KLF13: variants seen among roughly 807,000 people sequenced by gnomAD.
KLF13 encodes KLF transcription factor 13, also known as Krueppel-like factor 13.
A neutral mutation model predicts 16.7 loss-of-function variants in KLF13; 8 were observed. The ratio of observed to expected loss-of-function variants is 0.48; its 90% CI spans 0.28 to 0.87. The LOEUF is 0.87. Ranked by LOEUF, KLF13 falls within the 40% of genes least tolerant of loss-of-function variation. The pLI is 0.10. For synonymous variants in KLF13, 245 were observed against 208.4 expected (o/e 1.18, Z -1.51); for missense variants, 447 against 452.2 (o/e 0.99, Z 0.10).
chr15:31,355,615 G>C (rs1030774128), intron 1 of KLF13, among the ~76,000 whole-genome samples: 2 of 152,084 alleles, frequency 1.3e-5, no homozygotes, highest in Non-Finnish European at 2.9e-5. Flanking sequence ...ATTATCTCCT[G>C]ACTTCCCATG....
intron 2 of KLF13, among the ~76,000 whole-genome samples, chr15:31,400,806 G>C (rs1033365036): frequency 6.6e-6 from 1 of 152,128 alleles, no homozygotes; most frequent in African/African-American, 2.4e-5. Context: ...ACCAGAGTCA[G>C]TTGTGCTGGT....
At chr15:31,383,985 A>T (rs2039764899) in intron 1 of KLF13, among the ~76,000 whole-genome samples, 1 of 152,272 alleles carries the variant, frequency 6.6e-6, no homozygotes, top group South Asian at 2.1e-4. Flanking sequence ...ATAGGAGATT[A>T]ATTCAATGAA....
rs201175525 is a variant in KLF13, at chr15:31,383,744, C to CA, written n.224-51618dup. Among the ~76,000 whole-genome samples, 460 of 151,440 alleles carry CA rather than the reference C, an allele frequency of 3.0e-3. 6 individuals are homozygous for CA. Among genetic ancestry groups the CA allele is most frequent in the East Asian group, 0.03 (152 of 5,120 alleles). Reference sequence around the variant, plus strand: ...TGAAACCCCGTTTCTACTAAAAATGCAAAAAAAATTAGCTGGGCGTGGTGG... The same window carrying CA: ...TGAAACCCCGTTTCTACTAAAAATGCAAAAAAAAATTAGCTGGGCGTGGTGG... On this transcript the variant is annotated intron_variant and non_coding_transcript_variant, in intron 1 of 1. Coordinates refer to the KLF13 transcript ENST00000558921.
chr15:31,421,773 A>T (rs1161551663), intron 1 of KLF13, among the ~76,000 whole-genome samples: 1 of 152,156 alleles, frequency 6.6e-6, no homozygotes, highest in African/African-American at 2.4e-5. Flanking sequence ...CAAAATGGCA[A>T]AGTATGTCCT....
At chr15:31,402,940 A>AGCAGCCTCGCTATCCCTT (rs145138903) in intron 2 of KLF13, among the ~76,000 whole-genome samples, 4,673 of 152,128 alleles carry the variant, frequency 0.031, 233 homozygotes, top group African/African-American at 0.11. Context: ...TTCTTTCGTA[A>AGCAGCCTCGCTATCCCTT]GCAGCCTCGC....
downstream of KLF13, among the ~76,000 whole-genome samples, chr15:31,408,980 A>G (rs2040160552): frequency 6.6e-6 from 1 of 152,146 alleles, no homozygotes; most frequent in South Asian, 2.1e-4. Context: ...AAAGAACAAC[A>G]AACAGTTTTA....
At chr15:31,341,359 C>CGT (rs972115166) in intron 1 of KLF13, among the ~76,000 whole-genome samples, 3 of 151,994 alleles carry the variant, frequency 2.0e-5, no homozygotes, top group Non-Finnish European at 4.4e-5. Context: ...CGTGTGTGTA[C>CGT]GTGTGTGTGT....
intron 1 of KLF13, among the ~76,000 whole-genome samples, chr15:31,414,387 C>T (rs547745533): frequency 1.1e-4 from 16 of 152,100 alleles, no homozygotes; most frequent in East Asian, 9.6e-4. Flanking sequence ...ATATCAAATG[C>T]GAGAGCGAAT....
At position 31,377,244 on chromosome 15, in the gene KLF13, G is replaced by C. The variant is rs1212010473; in HGVS notation, c.*4945G>C. On this transcript the variant is annotated 3_prime_UTR_variant, in exon 2 of 2. Transcript: ENST00000307145. ...CGTGGGCTCATTAGCCCCAGCGTCTGTGCCGGCTCCAGGTGCCTGCCTCTG... is the reference window on the plus strand; with the variant it reads ...CGTGGGCTCATTAGCCCCAGCGTCTCTGCCGGCTCCAGGTGCCTGCCTCTG... The C allele has an allele frequency of 6.5e-6, 1 of 152,680 alleles. No homozygotes were observed. The highest frequency in any genetic ancestry group is 1.5e-5 in the Non-Finnish European group (1 of 68,076). 9.5% of individuals were successfully genotyped at this position (152,680 alleles called of 1,614,324 possible).
upstream of KLF13, among the ~76,000 whole-genome samples, chr15:31,390,257 G>A (rs944188140): frequency 6.6e-5 from 10 of 152,018 alleles, no homozygotes; most frequent in African/African-American, 2.4e-4. Flanking sequence ...GTCAATCCCA[G>A]GTCTTTCTCT....
chr15:31,340,523 CT>C (rs1341964035), intron 1 of KLF13, among the ~76,000 whole-genome samples: 1 of 152,230 alleles, frequency 6.6e-6, no homozygotes, highest in Non-Finnish European at 1.5e-5. Context: ...AGAAACAGTC[CT>C]GCTAACATCA....
intron 1 of KLF13, among the ~76,000 whole-genome samples, chr15:31,364,133 C>G (rs577934914): frequency 8.9e-6 from 1 of 112,448 alleles, no homozygotes; most frequent in East Asian, 2.7e-4. Context: ...TCGTTTCCCC[C>G]ACGTCATTGT....
chr15:31,352,203 A>G (rs909217552), intron 1 of KLF13, among the ~76,000 whole-genome samples: 1 of 152,202 alleles, frequency 6.6e-6, no homozygotes, highest in African/African-American at 2.4e-5. Context: ...CCTCCCCTGG[A>G]CACTGAGATC....
At position 31,403,191 on chromosome 15, in the gene KLF13, A is replaced by C. The variant is rs770788888; in HGVS notation, n.530-237A>C. On this transcript the variant is annotated intron_variant and non_coding_transcript_variant, in intron 2 of 2. Coordinates refer to the KLF13 transcript ENST00000500533. ...TCTTTTAGTGTCTTTTCTGCTGTGAAGCAGTTTTGGGGCAAGATCTTTTGC... is the reference window on the plus strand; with the variant it reads ...TCTTTTAGTGTCTTTTCTGCTGTGACGCAGTTTTGGGGCAAGATCTTTTGC... 1.2e-4 allele frequency among the ~76,000 whole-genome samples: 19 copies of C among 152,316 alleles called. No individual in the cohort carries two copies. The South Asian group carries it at 2.1e-3, about 17-fold the overall frequency.
At chr15:31,353,309 C>G (rs889475518) in intron 1 of KLF13, among the ~76,000 whole-genome samples, 1 of 152,170 alleles carries the variant, frequency 6.6e-6, no homozygotes, top group Non-Finnish European at 1.5e-5. Context: ...ACGTTAAGTG[C>G]GTGGGAAACC....
chr15:31,349,833 C>T (rs2039188417), intron 1 of KLF13, among the ~76,000 whole-genome samples: 1 of 152,186 alleles, frequency 6.6e-6, no homozygotes, highest in Admixed American at 6.5e-5. Flanking sequence ...CAGGTCCCCT[C>T]CTGCCACTTT....
At chr15:31,353,307 T>C (rs2039245329) in intron 1 of KLF13, among the ~76,000 whole-genome samples, 1 of 152,144 alleles carries the variant, frequency 6.6e-6, no homozygotes, top group South Asian at 2.1e-4. Context: ...CCACGTTAAG[T>C]GCGTGGGAAA....
intron 1 of KLF13, among the ~76,000 whole-genome samples, chr15:31,385,303 T>G (rs566302556): frequency 2.8e-4 from 42 of 152,348 alleles, no homozygotes; most frequent in South Asian, 1.4e-3. Context: ...TGATGAAGGT[T>G]AATCCCAAAG....
intron 1 of KLF13, chr15:31,366,147 C>T (rs1358076287): frequency 6.7e-6 from 1 of 148,280 alleles, no homozygotes; most frequent in East Asian, 2.0e-4. Flanking sequence ...CCCTACCCTG[C>T]ATCACCCGGC....
Sources: gnomAD v4.1 joint callset for allele counts (sites outside exome capture counted in the v4.1 genomes callset) on GRCh38, gnomAD v4.1.1 for gene constraint, MANE v1.5 for transcripts, NCBI Gene and HGNC (gene_info 2026-07-23, HGNC 2026-07-21) for gene names.